Variants in PCDHGA7 observed in about 807,000 individuals in gnomAD.
PCDHGA7 encodes the protein protocadherin gamma subfamily A, 7.
In PCDHGA7, 44 loss-of-function variants were observed where a neutral mutation model predicts 58.3. The ratio of observed to expected loss-of-function variants is 0.75; its 90% CI spans 0.59 to 0.97. PCDHGA7 has a LOEUF of 0.97. PCDHGA7 is among the 50% of genes least tolerant of loss of function. PCDHGA7 has a pLI of 0.00. For synonymous variants in PCDHGA7, 516 were observed against 504.2 expected, an observed-to-expected ratio of 1.02 and a Z score of -0.31; for missense variants, 1,266 against 1,188.7, an observed-to-expected ratio of 1.06 and a Z score of -0.96.
At chr5:141,475,014 C>G (rs2099358221) in intron 1 of PCDHGA7, among the ~76,000 whole-genome samples, 1 of 152,202 alleles carries the variant, frequency 6.6e-6, no homozygotes, top group South Asian at 2.1e-4. Flanking sequence ...AAAGTTAAGG[C>G]TCTTTATTCT....
At chr5:141,492,606 C>G (rs1019615566) in intron 1 of PCDHGA7, among the ~76,000 whole-genome samples, 3 of 152,232 alleles carry the variant, frequency 2.0e-5, no homozygotes, top group African/African-American at 7.2e-5. Flanking sequence ...GACTGCCGCT[C>G]TAAGTGCCGG....
At chr5:141,429,848 C>T (rs567448097) in intron 1 of PCDHGA7, among the ~76,000 whole-genome samples, 25 of 152,228 alleles carry the variant, frequency 1.6e-4, no homozygotes, top group African/African-American at 5.8e-4. Context: ...AAGTCTGTAA[C>T]ATTCTTTGGA....
At chr5:141,403,525 C>T (rs1427557410) in intron 1 of PCDHGA7, 1 of 1,614,002 alleles carries the variant, frequency 6.2e-7, no homozygotes, top group South Asian at 1.1e-5. Flanking sequence ...GAGCCATAAA[C>T]CCAGAGCTGG....
chr5:141,387,559 A>G, intron 1 of PCDHGA7: 1 of 421,914 alleles, frequency 2.4e-6, no homozygotes, highest in South Asian at 5.1e-5. Flanking sequence ...TCAGTTAGGC[A>G]CACAATTATA....
At position 141,384,354 on chromosome 5, in the gene PCDHGA7, C is replaced by T. The variant is rs1437330360; in HGVS notation, c.1455C>T (p.Ala485=). 13 of 1,613,844 alleles carry T rather than the reference C, an allele frequency of 8.1e-6. No homozygotes were observed. The highest frequency in any genetic ancestry group is 1.0e-5 in the Non-Finnish European group (12 of 1,179,884). ...AGGACCACGACAGTGAGGATAATGC[C>T]CAGATCACTTATTCCTTGGCCGAAG... ...TAQDHDSEDN[A]QITYSLAEDT... is the part of the protein sequence containing the mutation. The change falls in exon 1 of 4, where the codon GCC becomes GCT. Residue 485 remains alanine, a synonymous_variant. Coordinates refer to ENST00000518325, the MANE Select transcript of PCDHGA7 (RefSeq NM_018920.4).
chr5:141,443,254 G>A (rs185181143), intron 1 of PCDHGA7, among the ~76,000 whole-genome samples: 30 of 152,006 alleles, frequency 2.0e-4, no homozygotes, highest in Admixed American at 1.6e-3. Context: ...GCCAAGGCGG[G>A]TGGATCACTT....
chr5:141,385,545 A>G, intron 1 of PCDHGA7: 1 of 1,319,590 alleles, frequency 7.6e-7, no homozygotes, highest in Non-Finnish European at 9.7e-7. Flanking sequence ...TATGTGGACT[A>G]TCACATTTTA....
Position 141,404,574 on chromosome 5 carries a change from C to G in PCDHGA7, c.2424+19251C>G, listed in dbSNP as rs185791741. 3 of 1,613,908 alleles carry G rather than the reference C, an allele frequency of 1.9e-6. No individual in the cohort carries two copies. The East Asian group carries it at 6.7e-5, about 36-fold the overall frequency. The stretch of plus-strand genomic sequence containing the variant: ...ACGGCAAGTGACAGTGGAAGCCCAC[C>G]ACTTAGCAGCAATGTGTCATTGAGA... On this transcript the variant is annotated intron_variant, in intron 1 of 3. Coordinates refer to ENST00000518325, the MANE Select transcript of PCDHGA7 (RefSeq NM_018920.4).
chr5:141,456,308 T>C (rs2098849199), intron 1 of PCDHGA7, among the ~76,000 whole-genome samples: 1 of 152,156 alleles, frequency 6.6e-6, no homozygotes, highest in Non-Finnish European at 1.5e-5. Context: ...GAACAGCAGC[T>C]AGGGCTCCTC....
rs780383828 is a variant in PCDHGA7, at chr5:141,422,708, A to G, written c.2424+37385A>G. ...GCCCTGGTCACTTACTCTCTGACGGATGACACTGTCCAGGGGGTGCCTCTG... is the reference window on the plus strand; with the variant it reads ...GCCCTGGTCACTTACTCTCTGACGGGTGACACTGTCCAGGGGGTGCCTCTG... On this transcript the variant is annotated intron_variant, in intron 1 of 3. Transcript: ENST00000518325. 28 of 1,603,464 alleles carry G rather than the reference A, an allele frequency of 1.7e-5. No individual in the cohort carries two copies. The East Asian group carries it at 3.8e-4, about 22-fold the overall frequency.
intron 2 of PCDHGA7, among the ~76,000 whole-genome samples, chr5:141,498,945 G>C (rs1421135706): frequency 8.0e-6 from 1 of 125,434 alleles, no homozygotes; most frequent in Non-Finnish European, 1.6e-5. Context: ...AAGAAAGAAA[G>C]AAAAAGAGAG....
intron 1 of PCDHGA7, chr5:141,413,635 A>C: frequency 6.2e-7 from 1 of 1,613,888 alleles, no homozygotes; most frequent in Non-Finnish European, 8.5e-7. Context: ...CGCTGCGGGA[A>C]TGCGTTTTCC....
Position 141,490,721 on chromosome 5 carries a change from T to C in PCDHGA7, c.2425-4086T>C, listed in dbSNP as rs779242781. On this transcript the variant is annotated intron_variant, in intron 1 of 3. Coordinates refer to ENST00000518325, the MANE Select transcript of PCDHGA7 (RefSeq NM_018920.4). This position sits in a 1 kb window ranked among gnomAD's most constrained non-coding sequence, Gnocchi z 5.4. The stretch of plus-strand genomic sequence containing the variant: ...AATGCCCGCCTCACCTACTCCATTG[T>C]AGGAAATCAGGTTCAGGGAGCCCCA... 23 of 1,614,056 alleles carry C rather than the reference T, an allele frequency of 1.4e-5. No individual in the cohort carries two copies. The highest frequency in any genetic ancestry group is 6.6e-5 in the South Asian group (6 of 91,080).
At position 141,393,141 on chromosome 5, in the gene PCDHGA7, G is replaced by A. The variant is rs371909748; in HGVS notation, c.2424+7818G>A. 20 of 1,613,182 alleles carry A rather than the reference G, an allele frequency of 1.2e-5. No homozygotes were observed. The African/African-American group carries it at 2.4e-4, about 19-fold the overall frequency. On this transcript the variant is annotated intron_variant, in intron 1 of 3. Coordinates refer to ENST00000518325, the MANE Select transcript of PCDHGA7 (RefSeq NM_018920.4). Reference sequence around the variant, plus strand: ...GTGTCTGATAAATATTAACACCCTGGTTGAGGATAAAGGAAAACTCTTTGG... The same window carrying A: ...GTGTCTGATAAATATTAACACCCTGATTGAGGATAAAGGAAAACTCTTTGG...
chr5:141,443,974 G>A (rs775899117), intron 1 of PCDHGA7, among the ~76,000 whole-genome samples: 5 of 152,066 alleles, frequency 3.3e-5, no homozygotes, highest in Non-Finnish European at 7.4e-5. Context: ...GTCCATCTAA[G>A]CTATGTTAAT....
At chr5:141,433,383 CT>C (rs2097595660) in intron 1 of PCDHGA7, among the ~76,000 whole-genome samples, 1 of 151,456 alleles carries the variant, frequency 6.6e-6, no homozygotes, top group Non-Finnish European at 1.5e-5. Context: ...ATCTATCTAT[CT>C]ATCTATCTAT....
At chr5:141,390,352 A>G (rs1340044054) in intron 1 of PCDHGA7, 2 of 1,557,524 alleles carry the variant, frequency 1.3e-6, no homozygotes, top group African/African-American at 2.7e-5. Context: ...GAAAATATAC[A>G]TATTTGCAGG....
At chr5:141,407,967 T>C (rs1589649755) in intron 1 of PCDHGA7, 2 of 705,496 alleles carry the variant, frequency 2.8e-6, no homozygotes, top group South Asian at 2.3e-5. Flanking sequence ...GAGCAAGCGC[T>C]GACGCCGGGG....
intron 1 of PCDHGA7, among the ~76,000 whole-genome samples, chr5:141,461,756 C>T (rs887460069): frequency 6.6e-6 from 1 of 151,832 alleles, no homozygotes; most frequent in Non-Finnish European, 1.5e-5. Flanking sequence ...CAGATTCAAG[C>T]GATTCTCCTG....
Sources: gnomAD v4.1 joint callset for allele counts (sites outside exome capture counted in the v4.1 genomes callset) on GRCh38, gnomAD v4.1.1 for gene constraint, Gnocchi (gnomAD v3.1) non-coding constraint, MANE v1.5 for transcripts, NCBI Gene and HGNC (gene_info 2026-07-23, HGNC 2026-07-21) for gene names.